Variants in CFAP54 observed in about 807,000 individuals in gnomAD.
CFAP54 encodes the protein cilia and flagella associated protein 54.
In CFAP54, 290 loss-of-function variants were observed where a neutral mutation model predicts 370.4. The ratio of observed to expected loss-of-function variants is 0.78; its 90% CI spans 0.71 to 0.86. The LOEUF is 0.86. Ranked by LOEUF, CFAP54 falls within the 40% of genes least tolerant of loss-of-function variation. CFAP54 has a pLI of 0.00. For missense variants in CFAP54, 3,399 were observed against 3,528.7 expected, an observed-to-expected ratio of 0.96 and a Z score of 0.93; for synonymous variants, 1,206 against 1,236.5, an observed-to-expected ratio of 0.98 and a Z score of 0.52.
At chr12:96,538,303 A>G in intron 12 of CFAP54, 81 bp from the exon 13 acceptor site, 1 of 1,183,918 alleles carries the variant, frequency 8.4e-7, no homozygotes. Context: ...AAGCTCTTAG[A>G]GTGTTTCTCA....
At chr12:96,654,973 G>A (rs1345092822) in intron 36 of CFAP54, among the ~76,000 whole-genome samples, 1 of 150,990 alleles carries the variant, frequency 6.6e-6, no homozygotes, top group Non-Finnish European at 1.5e-5. Context: ...CATTCTTTGG[G>A]GTATGAATTG....
intron 26 of CFAP54, among the ~76,000 whole-genome samples, 185 bp downstream of exon 26, chr12:96,598,952 C>A (rs1286475401): frequency 6.6e-6 from 1 of 151,944 alleles, no homozygotes; most frequent in Non-Finnish European, 1.5e-5. Context: ...TTTGATGAAA[C>A]TGTGGTGCTT....
rs12831990 is a variant in CFAP54, at chr12:96,827,797, A to G, written c.9097-1217A>G. 1.2e-3 allele frequency among the ~76,000 whole-genome samples: 112 copies of G among 96,388 alleles called. 2 individuals carry two copies. In the East Asian group the frequency reaches 0.016, roughly 14 times the overall value. The allele number at this position is 96,388 out of a possible 152,430, so 63.2% of individuals were successfully genotyped here. ...ATATAGTTATATATAATATATAATTATATATAATACATAGTAATATATTAT... is the reference window on the plus strand; with the variant it reads ...ATATAGTTATATATAATATATAATTGTATATAATACATAGTAATATATTAT... On this transcript the variant is annotated intron_variant, in intron 65 of 67. Coordinates refer to ENST00000524981, the MANE Select transcript of CFAP54 (RefSeq NM_001306084.2).
chr12:96,625,019 A>T (rs1224977136), intron 28 of CFAP54, among the ~76,000 whole-genome samples: 3 of 152,188 alleles, frequency 2.0e-5, no homozygotes, highest in African/African-American at 7.2e-5. Context: ...AATGAGCTAT[A>T]ACTAGCTAAA....
Position 96,663,879 on chromosome 12 carries a change from C to T in CFAP54, c.5510C>T (p.Thr1837Ile), listed in dbSNP as rs1303986366. 4 of 1,613,196 alleles carry T rather than the reference C, an allele frequency of 2.5e-6. No homozygotes were observed. In the African/African-American group the frequency reaches 5.3e-5, roughly 22 times the overall value. ...AAGCAGCTTAAGATTAATTCTTCAA[C>T]CATTGAAGCAACAAGCAACTGCACA... Reference protein sequence around the residue: ...IGKQLKINSSTIEATSNCTDL... With the variant: ...IGKQLKINSSIIEATSNCTDL... The change falls in exon 39 of 68, where the codon ACC (threonine) becomes ATC (isoleucine). Residue 1837 changes from threonine (T) to isoleucine (I), a missense_variant. Physicochemically the swap from Thr to Ile is moderately conservative, Grantham distance 89. Around this residue, in one of 3 missense-constraint regions of CFAP54, gnomAD observed 2,796 missense variants for 2,869.7 expected, o/e 0.97. Coordinates refer to ENST00000524981, the MANE Select transcript of CFAP54 (RefSeq NM_001306084.2).
chr12:96,825,515 T>C (rs1173605318), intron 65 of CFAP54, among the ~76,000 whole-genome samples: 1 of 117,898 alleles, frequency 8.5e-6, no homozygotes, highest in Non-Finnish European at 1.6e-5. Flanking sequence ...ATATATTATA[T>C]AACATATTAT....
chr12:96,490,944 G>A (rs1954876532), intron 1 of CFAP54, among the ~76,000 whole-genome samples: 1 of 151,778 alleles, frequency 6.6e-6, no homozygotes, highest in Non-Finnish European at 1.5e-5. Flanking sequence ...ACAGGGAATG[G>A]TGTTGGAGGA....
chr12:96,695,742 C>A (rs919669816), intron 45 of CFAP54, among the ~76,000 whole-genome samples: 1 of 152,202 alleles, frequency 6.6e-6, no homozygotes, highest in Non-Finnish European at 1.5e-5. Flanking sequence ...CAAGTGCCTA[C>A]TGTCCACTCT....
chr12:96,825,715 T>TTATATAATA (rs1959091448), intron 65 of CFAP54, among the ~76,000 whole-genome samples: 2 of 125,208 alleles, frequency 1.6e-5, no homozygotes, highest in South Asian at 4.7e-4. Flanking sequence ...ATTAATTAGA[T>TTATATAATA]TATATAATAT....
In CFAP54 at chr12:96,576,711, A is replaced by G. The variant is rs940903268; in HGVS notation, c.2746A>G (p.Thr916Ala). Residue 916 changes from threonine to alanine, a missense_variant, in exon 20 of 68, where the codon ACT (threonine) becomes GCT (alanine). Around this residue, in one of 3 missense-constraint regions of CFAP54, gnomAD observed 2,796 missense variants for 2,869.7 expected, o/e 0.97. Transcript: ENST00000524981. Reference sequence around the variant, plus strand: ...CCCTCCACCTATCCTGCTGTCTCGAACTCATTGTTCTGTGACACTCAAACC... The same window carrying G: ...CCCTCCACCTATCCTGCTGTCTCGAGCTCATTGTTCTGTGACACTCAAACC... ...VPPPPILLSRTHCSVTLKPAP... is the reference protein window; with the variant it reads ...VPPPPILLSRAHCSVTLKPAP... 1.9e-5 allele frequency: 29 copies of G among 1,535,790 alleles called. No individual in the cohort carries two copies. In the African/African-American group the frequency reaches 3.6e-4, roughly 19 times the overall value.
intron 66 of CFAP54, among the ~76,000 whole-genome samples, chr12:96,839,776 T>C (rs1959200271): frequency 6.6e-6 from 1 of 152,172 alleles, no homozygotes; most frequent in African/African-American, 2.4e-5. Flanking sequence ...GCTCATTTAG[T>C]CTGGTGCTTG....
At chr12:96,682,300 C>G (rs1957281766) in intron 40 of CFAP54, 1 of 985,602 alleles carries the variant, frequency 1.0e-6, no homozygotes, top group Admixed American at 6.2e-5. Flanking sequence ...ATATTCACAA[C>G]TTGGACTTGT....
chr12:96,499,967 C>G (rs938072484), intron 1 of CFAP54, among the ~76,000 whole-genome samples: 3 of 151,292 alleles, frequency 2.0e-5, no homozygotes, highest in Non-Finnish European at 4.4e-5. Context: ...CAAAACAAAA[C>G]AAAACAAAAC....
intron 38 of CFAP54, among the ~76,000 whole-genome samples, chr12:96,658,883 G>A (rs926599505): frequency 9.9e-5 from 15 of 152,258 alleles, no homozygotes; most frequent in Non-Finnish European, 1.5e-4. Flanking sequence ...TAAAGACAGG[G>A]CTATTTTATC....
At chr12:96,503,125 G>A (rs1016016154) in intron 2 of CFAP54, among the ~76,000 whole-genome samples, 15 of 111,534 alleles carry the variant, frequency 1.3e-4, no homozygotes, top group East Asian at 2.8e-4. Context: ...CTTCTTTCTC[G>A]CTTTCTCTCT....
chr12:96,526,180 A>G (rs1023600402), intron 8 of CFAP54, among the ~76,000 whole-genome samples: 9 of 152,236 alleles, frequency 5.9e-5, no homozygotes, highest in African/African-American at 2.2e-4. Context: ...CAGCTGGATA[A>G]GGATTCTAGA....
At chr12:96,770,857 T>TA (rs1167637921) in intron 60 of CFAP54, among the ~76,000 whole-genome samples, 2 of 152,350 alleles carry the variant, frequency 1.3e-5, no homozygotes, top group East Asian at 3.9e-4. Context: ...TATCCAATTC[T>TA]AAAGGCTCTG....
At chr12:96,563,684 G>A (rs1344102206) in intron 17 of CFAP54, among the ~76,000 whole-genome samples, 1 of 152,118 alleles carries the variant, frequency 6.6e-6, no homozygotes, top group African/African-American at 2.4e-5. Context: ...CTATCACATG[G>A]TGGCTCATGT....
At chr12:96,689,045 A>C in intron 43 of CFAP54, 63 bp downstream of exon 43, 1 of 1,025,174 alleles carries the variant, frequency 9.8e-7, no homozygotes, top group African/African-American at 1.7e-5. Flanking sequence ...TCAGTAAAAA[A>C]AAGTTTATCA....
Sources: allele counts gnomAD v4.1 joint callset (sites outside exome capture counted in the v4.1 genomes callset), GRCh38; gene constraint gnomAD v4.1.1; regional missense constraint gnomAD v4.1.1; transcripts MANE v1.5; gene names NCBI Gene and HGNC (gene_info 2026-07-23, HGNC 2026-07-21).